The following CCDC122 variants were observed in gnomAD, a reference collection of about 807,000 sequenced individuals.
CCDC122 encodes the protein coiled-coil domain containing 122.
A neutral mutation model predicts 37.0 loss-of-function variants in CCDC122; 38 were observed. That is an observed-to-expected ratio of 1.03 (90% CI 0.79 to 1.35). The LOEUF (loss-of-function observed/expected upper bound fraction) is 1.35, where lower values mean the gene tolerates loss of function less well. CCDC122 is among the 40% of genes most tolerant of loss of function. The probability of loss-of-function intolerance (pLI) is 0.00; values close to 1 mark genes in which losing one functional copy is unlikely to be tolerated. For missense variants in CCDC122, 305 were observed against 310.0 expected (o/e 0.98, Z 0.12); for synonymous variants, 83 against 95.6 (o/e 0.87, Z 0.77).
chr13:43,852,491 G>C (rs1321283369), intron 6 of CCDC122, among the ~76,000 whole-genome samples: 1 of 152,076 alleles, frequency 6.6e-6, no homozygotes, highest in Admixed American at 6.6e-5. Context: ...ATTATGTAAA[G>C]AGATCAAGTC....
chr13:43,866,170 A>G (rs1474664873), intron 4 of CCDC122, among the ~76,000 whole-genome samples: 1 of 152,246 alleles, frequency 6.6e-6, no homozygotes, highest in East Asian at 1.9e-4. Context: ...TTTTAAATTT[A>G]CAAATTGTTT....
chr13:43,838,672 A>C (rs1953244821), intron 6 of CCDC122, among the ~76,000 whole-genome samples: 1 of 152,122 alleles, frequency 6.6e-6, no homozygotes, highest in Non-Finnish European at 1.5e-5. Flanking sequence ...CAAGGCTTTT[A>C]TTGGGGGCTT....
At chr13:43,830,533 A>G (rs1007255539) in intron 3 of CCDC122, among the ~76,000 whole-genome samples, 1 of 152,184 alleles carries the variant, frequency 6.6e-6, no homozygotes, top group Non-Finnish European at 1.5e-5. Flanking sequence ...TAAGGGTAGC[A>G]AACATCCCGG....
chr13:43,834,005 TC>T (rs1262011872), downstream of CCDC122, among the ~76,000 whole-genome samples: 6 of 152,212 alleles, frequency 3.9e-5, no homozygotes, highest in Non-Finnish European at 7.3e-5. Context: ...TGTTGAAATA[TC>T]ATATCCACTA....
chr13:43,860,098 T>C, intron 4 of CCDC122, 28 bp from the exon 5 acceptor site: 2 of 1,221,668 alleles, frequency 1.6e-6, no homozygotes, highest in Non-Finnish European at 2.2e-6. Flanking sequence ...ATTATCATTA[T>C]TAATTCAAAA....
chr13:43,852,996 A>T (rs1412217359), intron 6 of CCDC122, among the ~76,000 whole-genome samples: 1 of 152,194 alleles, frequency 6.6e-6, no homozygotes, highest in Non-Finnish European at 1.5e-5. Flanking sequence ...AGCACTAAAT[A>T]TGGAAAGGAA....
rs1296173763 is a variant in CCDC122, at chr13:43,877,084, C to T, written c.-199-2157G>A. 7.9e-5 allele frequency among the ~76,000 whole-genome samples: 12 copies of T among 152,112 alleles called. No homozygotes were observed. The South Asian group carries it at 8.3e-4, about 11-fold the overall frequency. On this transcript the variant is annotated intron_variant, in intron 1 of 6. Coordinates refer to ENST00000444614, the MANE Select transcript of CCDC122 (RefSeq NM_144974.5). Reference sequence around the variant, plus strand: ...ATCGCACCACTGTACTACAGCCTGGCGACAGAGCGAGACTTCATCTCAAAA... The same window carrying T: ...ATCGCACCACTGTACTACAGCCTGGTGACAGAGCGAGACTTCATCTCAAAA...
chr13:43,879,321 G>A (rs1954791195), intron 1 of CCDC122: 1 of 153,864 alleles, frequency 6.5e-6, no homozygotes, highest in South Asian at 2.0e-4. Flanking sequence ...CCGCTCCCAG[G>A]GCCCGTCGTT....
Position 43,868,712 on chromosome 13 carries a change from CT to C in CCDC122, c.137del (p.Lys46ArgfsTer6). ...AAGTTACCTTCAAATTGAACAGAAC[CT>C]TTTTGTTTTTTTCTATCTCTGATGC... Reference protein sequence around the residue: ...SQASEIEKNKKVLFNLKNELH... With the variant: ...SQASEIEKNKXVLFNLKNELH... On this transcript the variant is annotated frameshift_variant, in exon 4 of 7. Coordinates refer to ENST00000444614, the MANE Select transcript of CCDC122 (RefSeq NM_144974.5). LOFTEE classifies it high-confidence loss of function. 1.3e-6 allele frequency: 2 copies of C among 1,551,338 alleles called. No homozygotes were observed. Among genetic ancestry groups the C allele is most frequent in the African/African-American group, 1.4e-5 (1 of 72,734 alleles).
At chr13:43,833,421 C>T (rs1415570402), downstream of CCDC122, among the ~76,000 whole-genome samples, 3 of 152,104 alleles carry the variant, frequency 2.0e-5, no homozygotes, top group Non-Finnish European at 4.4e-5. Flanking sequence ...TTATAGCTTT[C>T]CTTTGCAGAA....
At chr13:43,845,531 C>CTCT (rs1953491335) in intron 6 of CCDC122, among the ~76,000 whole-genome samples, 1 of 152,056 alleles carries the variant, frequency 6.6e-6, no homozygotes, top group East Asian at 1.9e-4. Flanking sequence ...GCCAGCATGG[C>CTCT]AAAACCCCAT....
intron 4 of CCDC122, among the ~76,000 whole-genome samples, chr13:43,865,612 T>G (rs1295865156): frequency 2.0e-5 from 3 of 152,130 alleles, no homozygotes; most frequent in South Asian, 2.1e-4. Context: ...CTTATTGTAC[T>G]GTACTCAACA....
At chr13:43,867,345 A>G (rs1366091864) in intron 4 of CCDC122, among the ~76,000 whole-genome samples, 1 of 152,120 alleles carries the variant, frequency 6.6e-6, no homozygotes, top group Non-Finnish European at 1.5e-5. Flanking sequence ...GAATGTACCA[A>G]TGCTATTTCA....
At chr13:43,871,951 C>T (rs1954466421) in intron 2 of CCDC122, among the ~76,000 whole-genome samples, 4 of 152,044 alleles carry the variant, frequency 2.6e-5, no homozygotes. Flanking sequence ...ACTTACTGTT[C>T]CTCTATCACT....
chr13:43,879,399 C>A (rs1443944599), intron 1 of CCDC122: 2 of 152,912 alleles, frequency 1.3e-5, no homozygotes, highest in African/African-American at 2.4e-5. Flanking sequence ...ACTCGGCCTG[C>A]CCACTCCTGC....
At chr13:43,835,783 A>G (rs7982698), downstream of CCDC122, among the ~76,000 whole-genome samples, 23,240 of 152,240 alleles carry the variant, frequency 0.15, 1,924 homozygotes, top group South Asian at 0.24. Flanking sequence ...TTTAATATGC[A>G]AGTTACATTA....
chr13:43,865,913 T>C (rs1463673761), intron 4 of CCDC122, among the ~76,000 whole-genome samples: 1 of 152,188 alleles, frequency 6.6e-6, no homozygotes. Flanking sequence ...AGCTTCTCTG[T>C]GGCATATGTG....
chr13:43,834,210 AG>A (rs1215897328), downstream of CCDC122, among the ~76,000 whole-genome samples: 9 of 152,246 alleles, frequency 5.9e-5, no homozygotes, highest in African/African-American at 2.2e-4. Context: ...AAATGAGGAA[AG>A]GATTCCCTAT....
chr13:43,829,031 T>A (rs1054466433), intron 3 of CCDC122, among the ~76,000 whole-genome samples: 1 of 152,224 alleles, frequency 6.6e-6, no homozygotes, highest in African/African-American at 2.4e-5. Flanking sequence ...GATAAATTGT[T>A]ACTAATCTTA....
Sources: gnomAD v4.1 joint callset for allele counts (sites outside exome capture counted in the v4.1 genomes callset) on GRCh38, gnomAD v4.1.1 for gene constraint, MANE v1.5 for transcripts, NCBI Gene and HGNC (gene_info 2026-07-23, HGNC 2026-07-21) for gene names.